MAP4: variants seen among roughly 807,000 people sequenced by gnomAD.
The protein encoded by MAP4 is microtubule associated protein 4, also known as microtubule-associated protein 4.
In MAP4, 76 loss-of-function variants were observed where a neutral mutation model predicts 170.2. The ratio of observed to expected loss-of-function variants is 0.45; its 90% CI spans 0.37 to 0.54. MAP4 has a LOEUF of 0.54. MAP4 is among the 20% of genes least tolerant of loss of function. The pLI, the probability that MAP4 is intolerant of heterozygous loss-of-function variation, is 0.00. For missense variants in MAP4, 2,506 were observed against 2,748.0 expected (o/e 0.91, Z 1.97); for synonymous variants, 909 against 994.5 (o/e 0.91, Z 1.62).
intron 3 of MAP4, among the ~76,000 whole-genome samples, chr3:47,933,426 C>G (rs1384071459): frequency 6.6e-6 from 1 of 151,910 alleles, no homozygotes; most frequent in African/African-American, 2.4e-5. Flanking sequence ...TAAATTACAC[C>G]TCAATAAAGT....
intron 1 of MAP4, among the ~76,000 whole-genome samples, chr3:48,029,713 A>G (rs1016888300): frequency 6.6e-6 from 1 of 152,124 alleles, no homozygotes; most frequent in Non-Finnish European, 1.5e-5. Flanking sequence ...TAGTAAAAAG[A>G]GGTAGGTCGG....
chr3:48,038,022 C>G (rs1383960910), intron 1 of MAP4, among the ~76,000 whole-genome samples: 1 of 87,796 alleles, frequency 1.1e-5, no homozygotes, highest in African/African-American at 3.3e-5. Flanking sequence ...CAAAAATTAG[C>G]CAAGCATTGG....
chr3:48,005,063 C>T (rs2100101447), intron 1 of MAP4, among the ~76,000 whole-genome samples: 1 of 152,072 alleles, frequency 6.6e-6, no homozygotes, highest in African/African-American at 2.4e-5. Flanking sequence ...GCGCTACACT[C>T]AAAAAGAACT....
intron 1 of MAP4, among the ~76,000 whole-genome samples, chr3:48,083,858 C>A (rs904457146): frequency 1.9e-4 from 29 of 150,984 alleles, no homozygotes; most frequent in African/African-American, 6.8e-4. Flanking sequence ...TCGCGAGTAG[C>A]TGGGATTACA....
In MAP4 at chr3:47,855,219, CTG is replaced by C. The variant is rs1172251207; in HGVS notation, c.6696+27_6696+28del. On this transcript the variant is annotated intron_variant, in intron 19 of 20. Coordinates refer to ENST00000683076, the MANE Select transcript of MAP4 (RefSeq NM_001385682.1). This position sits in a 1 kb window ranked among gnomAD's most constrained non-coding sequence, Gnocchi z 5.1. ...CTGCATAGTTCCCACCCCTCCCCAGCTGTGTCTCCCCAGTGACCCACTCGCTA... is the reference window on the plus strand; with the variant it reads ...CTGCATAGTTCCCACCCCTCCCCAGCTGTCTCCCCAGTGACCCACTCGCTA... 1 of 1,517,764 alleles carries C rather than the reference CTG, an allele frequency of 6.6e-7. No individual in the cohort carries two copies. The highest frequency in any genetic ancestry group is 9.2e-7 in the Non-Finnish European group (1 of 1,092,472). The allele number at this position is 1,517,764 out of a possible 1,614,324, so 94.0% of individuals were successfully genotyped here. A position where few individuals can be genotyped will look rare whatever the true frequency, so the allele number is the denominator to read the frequency against.
At chr3:47,888,223 A>G (rs1267690269) in intron 10 of MAP4, among the ~76,000 whole-genome samples, 1 of 152,192 alleles carries the variant, frequency 6.6e-6, no homozygotes, top group Admixed American at 6.5e-5. Context: ...ACCAATCAGC[A>G]GGATGTGGGT....
At chr3:47,891,964 A>G in intron 10 of MAP4, 1 of 1,536,240 alleles carries the variant, frequency 6.5e-7, no homozygotes, top group South Asian at 1.2e-5. Context: ...CCTGCTCCTT[A>G]ACATATCTGG....
At chr3:48,031,892 T>TACACACACAC (rs139294227) in intron 1 of MAP4, among the ~76,000 whole-genome samples, 6 of 147,434 alleles carry the variant, frequency 4.1e-5, no homozygotes, top group African/African-American at 1.5e-4. Flanking sequence ...CACACACACA[T>TACACACACAC]ACACACACAC....
intron 9 of MAP4, 97 bp downstream of exon 9, chr3:47,908,941 A>G: frequency 1.6e-6 from 2 of 1,265,616 alleles, no homozygotes; most frequent in South Asian, 1.5e-5. Flanking sequence ...AACAAGGATG[A>G]TTAGAGTCTG....
chr3:48,031,060 G>C (rs1175842758), intron 1 of MAP4, among the ~76,000 whole-genome samples: 1 of 152,060 alleles, frequency 6.6e-6, no homozygotes, highest in Non-Finnish European at 1.5e-5. Flanking sequence ...ATGGGAGGGG[G>C]GGGTAAGAGA....
intron 3 of MAP4, among the ~76,000 whole-genome samples, chr3:47,938,166 G>A (rs886274393): frequency 6.6e-6 from 1 of 151,400 alleles, no homozygotes; most frequent in South Asian, 2.1e-4. Context: ...GAGGTCAGGA[G>A]TTAGAGACCA....
Position 47,916,614 on chromosome 3 carries a change from C to T in MAP4, c.1213G>A (p.Val405Ile), listed in dbSNP as rs2100039402. The T allele has an allele frequency of 6.2e-7, 1 of 1,614,232 alleles. No individual in the cohort carries two copies. Among genetic ancestry groups the T allele is most frequent in the Non-Finnish European group, 8.5e-7 (1 of 1,180,046 alleles). ...AGTAATACCAAATCCTTGGCTGGGA[C>T]TATCTTGTTTTCTTTGGGTGGTCCC... The part of the protein sequence containing the change: ...DMGPPKENKI[V>I]PAKDLVLLSE... The change falls in exon 7 of 21, where the codon GTC (valine) becomes ATC (isoleucine). Residue 405 changes from valine (V) to isoleucine (I), a missense_variant. Val to Ile is a conservative substitution (Grantham distance 29, BLOSUM62 3). Coordinates refer to ENST00000683076, the MANE Select transcript of MAP4 (RefSeq NM_001385682.1).
At chr3:48,050,404 AG>A (rs982698731) in intron 1 of MAP4, among the ~76,000 whole-genome samples, 14 of 152,096 alleles carry the variant, frequency 9.2e-5, no homozygotes, top group African/African-American at 2.9e-4. Flanking sequence ...ACAACCCAAC[AG>A]AAAAATGAGT....
chr3:47,929,563 A>G (rs73831540), intron 3 of MAP4, among the ~76,000 whole-genome samples: 2,879 of 148,460 alleles, frequency 0.019, 92 homozygotes, highest in African/African-American at 0.068. Flanking sequence ...ACCACATACC[A>G]TATGCAAAAG....
chr3:48,068,677 G>C (rs1282892797), intron 1 of MAP4, among the ~76,000 whole-genome samples: 1 of 152,072 alleles, frequency 6.6e-6, no homozygotes, highest in Admixed American at 6.6e-5. Context: ...CCAGCTACTC[G>C]GAAGGCAGAG....
At chr3:47,879,196 G>T (rs2096173856) in intron 10 of MAP4, among the ~76,000 whole-genome samples, 1 of 151,838 alleles carries the variant, frequency 6.6e-6, no homozygotes, top group Non-Finnish European at 1.5e-5. Flanking sequence ...AATAAAGCAT[G>T]GAGAAATTCT....
At chr3:47,987,463 A>G in intron 2 of MAP4, 1 of 1,432,400 alleles carries the variant, frequency 7.0e-7, no homozygotes, top group Non-Finnish European at 9.3e-7. Flanking sequence ...GAAGTCAGGG[A>G]ATGTTCTGGA....
At chr3:48,054,904 G>A (rs570204049) in intron 1 of MAP4, among the ~76,000 whole-genome samples, 2 of 151,936 alleles carry the variant, frequency 1.3e-5, no homozygotes, top group Non-Finnish European at 2.9e-5. Flanking sequence ...AAAAGTTTTA[G>A]ACAATAACCA....
intron 3 of MAP4, among the ~76,000 whole-genome samples, chr3:47,949,161 A>G (rs1390392822): frequency 6.6e-6 from 1 of 152,148 alleles, no homozygotes; most frequent in Non-Finnish European, 1.5e-5. Flanking sequence ...TTCTAGGGAT[A>G]AAGCAATAAA....
Sources: gnomAD v4.1 joint callset for allele counts (sites outside exome capture counted in the v4.1 genomes callset) on GRCh38, gnomAD v4.1.1 for gene constraint, Gnocchi (gnomAD v3.1) non-coding constraint, MANE v1.5 for transcripts, NCBI Gene and HGNC (gene_info 2026-07-23, HGNC 2026-07-21) for gene names.